Variants in SCAMP1 observed in about 807,000 individuals in gnomAD.
SCAMP1 encodes the protein secretory carrier membrane protein 1.
Under a neutral mutation model 41.8 loss-of-function variants are expected in SCAMP1, and 15 were observed. That is an observed-to-expected ratio of 0.36 (90% confidence interval 0.24 to 0.55). The LOEUF (loss-of-function observed/expected upper bound fraction) is 0.55, where lower values mean the gene tolerates loss of function less well. Ranked by LOEUF, SCAMP1 falls within the 20% of genes least tolerant of loss-of-function variation. The pLI is 0.86. For synonymous variants in SCAMP1, 135 were observed against 136.8 expected (o/e 0.99, Z 0.09); for missense variants, 341 against 412.6 (o/e 0.83, Z 1.50).
chr5:78,360,905 G>T, intron 1 of SCAMP1, 177 bp downstream of exon 1: 2 of 621,984 alleles, frequency 3.2e-6, no homozygotes, highest in South Asian at 3.8e-5. Context: ...ACTCCTTTGG[G>T]TTTTGGGGCT....
At chr5:78,426,425 C>T (rs974227350) in intron 6 of SCAMP1, among the ~76,000 whole-genome samples, 5 of 152,154 alleles carry the variant, frequency 3.3e-5, no homozygotes, top group Non-Finnish European at 7.4e-5. Flanking sequence ...AAAAGCGTTC[C>T]TATTTCTCCA....
intron 7 of SCAMP1, among the ~76,000 whole-genome samples, chr5:78,454,012 T>C (rs1304381951): frequency 6.6e-6 from 1 of 152,224 alleles, no homozygotes; most frequent in African/African-American, 2.4e-5. Context: ...AGAATGCTTG[T>C]GATTTTTGCA....
At chr5:78,400,397 A>C (rs1751768208) in intron 2 of SCAMP1, among the ~76,000 whole-genome samples, 1 of 152,150 alleles carries the variant, frequency 6.6e-6, no homozygotes, top group South Asian at 2.1e-4. Flanking sequence ...GTCAGTGTCC[A>C]CAAAATAACT....
At chr5:78,409,693 A>G (rs1265751339) in intron 2 of SCAMP1, among the ~76,000 whole-genome samples, 1 of 152,210 alleles carries the variant, frequency 6.6e-6, no homozygotes, top group Admixed American at 6.5e-5. Context: ...TGGCTCTCCA[A>G]CATTTCTCAT....
chr5:78,370,172 G>A (rs999513079), intron 1 of SCAMP1, among the ~76,000 whole-genome samples: 3 of 152,154 alleles, frequency 2.0e-5, no homozygotes, highest in Admixed American at 1.3e-4. Flanking sequence ...TTGCTAAACC[G>A]TAAGTGTAAA....
At chr5:78,378,712 ACT>A (rs1234520229) in intron 1 of SCAMP1, among the ~76,000 whole-genome samples, 2 of 152,216 alleles carry the variant, frequency 1.3e-5, no homozygotes, top group Admixed American at 6.5e-5. Context: ...TAAAGATATA[ACT>A]CTAATGTCTA....
Position 78,479,307 on chromosome 5 carries a change from TAAA to T in SCAMP1, c.*3643_*3645del, listed in dbSNP as rs1754077162. Among the ~76,000 whole-genome samples, 2 of 152,172 alleles carry T rather than the reference TAAA, an allele frequency of 1.3e-5. No homozygotes were observed. The highest frequency in any genetic ancestry group is 2.9e-5 in the Non-Finnish European group (2 of 68,012). ...TAATTTTAAAAAAATTGAGGATGGT[TAAA>T]AAATAGAAAACACCTTACTTTGATA... On this transcript the variant is annotated 3_prime_UTR_variant, in exon 9 of 9. Coordinates refer to ENST00000621999, the MANE Select transcript of SCAMP1 (RefSeq NM_004866.6).
intron 6 of SCAMP1, among the ~76,000 whole-genome samples, chr5:78,422,439 G>A (rs2112149079): frequency 6.6e-6 from 1 of 151,988 alleles, no homozygotes; most frequent in Middle Eastern, 3.4e-3. Context: ...TTTTTCAAAG[G>A]CAGCACCATT....
chr5:78,470,140 G>A lies in SCAMP1; in HGVS notation c.853-5364G>A, dbSNP rs1011837086. ...AAAACCTAAAGTATACAATTTAATG[G>A]CTTTTGGTGTATTGTATTTGTTTTA... On this transcript the variant is annotated intron_variant, in intron 8 of 8. Transcript: ENST00000621999. Among the ~76,000 whole-genome samples, 126 of 151,846 alleles carry A rather than the reference G, an allele frequency of 8.3e-4. 2 individuals are homozygous for A. Among genetic ancestry groups the A allele is most frequent in the African/African-American group, 3.0e-3 (123 of 41,334 alleles).
intron 6 of SCAMP1, among the ~76,000 whole-genome samples, chr5:78,448,634 A>C (rs1025058145): frequency 5.3e-5 from 8 of 152,242 alleles, no homozygotes; most frequent in Non-Finnish European, 8.8e-5. Context: ...AGCTAGAATT[A>C]AAAAGACTGT....
chr5:78,443,904 A>T (rs1333750883), intron 6 of SCAMP1, among the ~76,000 whole-genome samples: 2 of 151,558 alleles, frequency 1.3e-5, no homozygotes, highest in Non-Finnish European at 1.5e-5. Flanking sequence ...CGAACCTCCC[A>T]CCTTGGCTCC....
rs1314380125 is a variant in SCAMP1, at chr5:78,480,598, T to G, written c.*4930T>G. Among the ~76,000 whole-genome samples the G allele has an allele frequency of 6.6e-6, 1 of 152,232 alleles. No individual in the cohort carries two copies. Among genetic ancestry groups the G allele is most frequent in the Non-Finnish European group, 1.5e-5 (1 of 68,036 alleles). ...TGGTATCTACAGTATTCTAGTCTCC[T>G]GCACAAAAACTGAACCCACTGGGCC... On this transcript the variant is annotated 3_prime_UTR_variant, in exon 9 of 9. Transcript: ENST00000621999.
intron 6 of SCAMP1, among the ~76,000 whole-genome samples, chr5:78,445,436 A>T (rs918875781): frequency 1.3e-5 from 2 of 152,232 alleles, no homozygotes; most frequent in Non-Finnish European, 2.9e-5. Flanking sequence ...TAAATACTTT[A>T]TCGTAAACTG....
chr5:78,469,897 A>AAAAAAC (rs1753833691), intron 8 of SCAMP1, among the ~76,000 whole-genome samples: 2 of 34,166 alleles, frequency 5.9e-5, no homozygotes, highest in African/African-American at 3.4e-4. Context: ...CATTAAAAAA[A>AAAAAAC]AAAAAAAAAA....
chr5:78,403,478 A>G (rs914589261), intron 2 of SCAMP1, among the ~76,000 whole-genome samples: 2 of 117,850 alleles, frequency 1.7e-5, no homozygotes, highest in African/African-American at 3.0e-5. Flanking sequence ...ATTTTGAACC[A>G]ACTGTTTTCT....
intron 8 of SCAMP1, among the ~76,000 whole-genome samples, chr5:78,469,923 A>C (rs1580722451): frequency 4.4e-4 from 9 of 20,298 alleles, no homozygotes; most frequent in Admixed American, 9.5e-4. Flanking sequence ...CAAAAAAAAA[A>C]AAAAAAAAAC....
chr5:78,433,090 A>G (rs1254817557), intron 6 of SCAMP1, among the ~76,000 whole-genome samples: 3 of 152,094 alleles, frequency 2.0e-5, no homozygotes, highest in South Asian at 4.1e-4. Context: ...GTAATTTCCT[A>G]TATCTTATAT....
chr5:78,412,787 G>A (rs1752112661), intron 2 of SCAMP1, among the ~76,000 whole-genome samples: 1 of 151,996 alleles, frequency 6.6e-6, no homozygotes, highest in Admixed American at 6.6e-5. Context: ...TATATTCTGG[G>A]TAGCAATTTT....
intron 1 of SCAMP1, among the ~76,000 whole-genome samples, chr5:78,387,878 A>G (rs1751383550): frequency 6.6e-6 from 1 of 152,200 alleles, no homozygotes; most frequent in African/African-American, 2.4e-5. Flanking sequence ...AGTGAAGTGG[A>G]TATTTTTAAG....
Sources: allele counts gnomAD v4.1 joint callset (sites outside exome capture counted in the v4.1 genomes callset), GRCh38; gene constraint gnomAD v4.1.1; transcripts MANE v1.5; gene names NCBI Gene and HGNC (gene_info 2026-07-23, HGNC 2026-07-21).